The following SEMA3A variants were observed in gnomAD, a reference collection of about 807,000 sequenced individuals.
SEMA3A encodes semaphorin-3A.
Under a neutral mutation model 97.9 loss-of-function variants are expected in SEMA3A, and 29 were observed. That is an observed-to-expected ratio of 0.30 (90% CI 0.22 to 0.40). SEMA3A has a LOEUF of 0.40. Among genes scored for constraint, SEMA3A ranks in the 10% least tolerant of loss-of-function variants. SEMA3A has a pLI of 1.00. For missense variants in SEMA3A, 763 were observed against 951.3 expected, an observed-to-expected ratio of 0.80 and a Z score of 2.60; for synonymous variants, 321 against 323.7, an observed-to-expected ratio of 0.99 and a Z score of 0.09.
At position 84,040,325 on chromosome 7, in the gene SEMA3A, G is replaced by T. The variant is rs544638292; in HGVS notation, c.667+5999C>A. Among the ~76,000 whole-genome samples, 219 of 150,064 alleles carry T rather than the reference G, an allele frequency of 1.5e-3. 1 individual carries two copies. The highest frequency in any genetic ancestry group is 5.2e-3 in the African/African-American group (211 of 40,736). On this transcript the variant is annotated intron_variant, in intron 6 of 16. Transcript: ENST00000265362. Reference sequence around the variant, plus strand: ...CTGGGTAAAATCCTTTAATTCCCCAGCCCCTGCTGTTGGGGAGCTCTAGGC... The same window carrying T: ...CTGGGTAAAATCCTTTAATTCCCCATCCCCTGCTGTTGGGGAGCTCTAGGC...
intron 2 of SEMA3A, among the ~76,000 whole-genome samples, chr7:84,321,867 C>A: frequency 4.0e-5 from 1 of 25,002 alleles, no homozygotes. Flanking sequence ...CAGAGCGAGA[C>A]TACGGAAAAA....
chr7:84,263,787 C>T (rs981979553), intron 3 of SEMA3A, among the ~76,000 whole-genome samples: 3 of 152,106 alleles, frequency 2.0e-5, no homozygotes, highest in Non-Finnish European at 4.4e-5. Context: ...AGATGGAGTA[C>T]ATGTTAGGTA....
chr7:84,015,000 A>G (rs1329227453), intron 6 of SEMA3A, among the ~76,000 whole-genome samples: 2 of 152,116 alleles, frequency 1.3e-5, no homozygotes, highest in African/African-American at 4.8e-5. Flanking sequence ...ACTATTGCCA[A>G]TCTGAATTAT....
intron 1 of SEMA3A, among the ~76,000 whole-genome samples, chr7:84,181,233 T>C (rs781035333): frequency 3.8e-4 from 58 of 151,368 alleles, no homozygotes; most frequent in East Asian, 1.9e-4. Flanking sequence ...GATAAAAATA[T>C]TTTATCATTT....
At chr7:84,428,171 A>G (rs564259119) in intron 1 of SEMA3A, among the ~76,000 whole-genome samples, 2 of 152,240 alleles carry the variant, frequency 1.3e-5, no homozygotes, top group South Asian at 4.1e-4. Flanking sequence ...ACGCTTTCCT[A>G]TAGAAATCTG....
chr7:84,008,827 A>ATACT (rs1790770517), intron 9 of SEMA3A, among the ~76,000 whole-genome samples: 1 of 152,182 alleles, frequency 6.6e-6, no homozygotes, highest in South Asian at 2.1e-4. Context: ...ACCTTAATAA[A>ATACT]TACTTACAGA....
intron 3 of SEMA3A, among the ~76,000 whole-genome samples, chr7:84,239,738 A>T (rs1212215757): frequency 6.6e-6 from 1 of 152,156 alleles, no homozygotes; most frequent in Non-Finnish European, 1.5e-5. Flanking sequence ...AAGCTAAACC[A>T]CATACTAATT....
chr7:84,379,169 C>T (rs974315800), intron 1 of SEMA3A, among the ~76,000 whole-genome samples: 20 of 152,032 alleles, frequency 1.3e-4, no homozygotes, highest in Admixed American at 7.9e-4. Context: ...CCTCATGATC[C>T]GCCTGCCTCG....
intron 4 of SEMA3A, among the ~76,000 whole-genome samples, chr7:84,069,930 T>C (rs1488773891): frequency 6.6e-6 from 1 of 152,280 alleles, no homozygotes; most frequent in East Asian, 1.9e-4. Context: ...TAACACCCTA[T>C]GTTATCATAT....
At chr7:84,369,672 A>T (rs1322011808) in intron 2 of SEMA3A, among the ~76,000 whole-genome samples, 1 of 150,890 alleles carries the variant, frequency 6.6e-6, no homozygotes, top group Non-Finnish European at 1.5e-5. Flanking sequence ...AGTATATTTC[A>T]GGTGAAAATC....
intron 1 of SEMA3A, among the ~76,000 whole-genome samples, chr7:84,176,890 A>G (rs1562833081): frequency 6.6e-6 from 1 of 152,136 alleles, no homozygotes; most frequent in African/African-American, 2.4e-5. Context: ...TGGAAACTGG[A>G]AAAATGCCAC....
chr7:84,321,897 A>AAAAAAG (rs1562902776), intron 2 of SEMA3A, among the ~76,000 whole-genome samples: 1 of 84,268 alleles, frequency 1.2e-5, no homozygotes, highest in African/African-American at 5.0e-5. Flanking sequence ...AAAAAAAAAA[A>AAAAAAG]AAGAAGAAGA....
chr7:84,087,808 C>T (rs949816473), intron 4 of SEMA3A, among the ~76,000 whole-genome samples: 1 of 152,134 alleles, frequency 6.6e-6, no homozygotes, highest in African/African-American at 2.4e-5. Flanking sequence ...CTCTGAAAAC[C>T]TATTGCACAG....
At chr7:84,243,862 T>C (rs187650293) in intron 3 of SEMA3A, among the ~76,000 whole-genome samples, 1 of 152,298 alleles carries the variant, frequency 6.6e-6, no homozygotes, top group East Asian at 1.9e-4. Flanking sequence ...ATTTACCCAG[T>C]AGCCATTCAG....
chr7:84,115,267 A>C (rs1795390280), intron 3 of SEMA3A, among the ~76,000 whole-genome samples: 2 of 152,194 alleles, frequency 1.3e-5, no homozygotes, highest in Non-Finnish European at 2.9e-5. Flanking sequence ...AACTAAATGA[A>C]GACTCTCTGT....
At chr7:84,264,088 C>T (rs552219902) in intron 3 of SEMA3A, among the ~76,000 whole-genome samples, 8 of 152,072 alleles carry the variant, frequency 5.3e-5, no homozygotes, top group East Asian at 1.9e-4. Flanking sequence ...CTACTGTTTA[C>T]GATAGTATAT....
At chr7:84,107,066 T>C (rs796403838) in intron 4 of SEMA3A, among the ~76,000 whole-genome samples, 3 of 152,288 alleles carry the variant, frequency 2.0e-5, no homozygotes, top group African/African-American at 7.2e-5. Context: ...AAGTTGTCCT[T>C]GAGAACAAAA....
At chr7:84,444,614 T>C (rs1291406823) in intron 1 of SEMA3A, among the ~76,000 whole-genome samples, 5 of 150,300 alleles carry the variant, frequency 3.3e-5, no homozygotes, top group Non-Finnish European at 7.4e-5. Flanking sequence ...CAGTCTGGAG[T>C]ACAGTGACGC....
At chr7:84,169,612 G>C (rs1052540008) in intron 1 of SEMA3A, among the ~76,000 whole-genome samples, 1 of 150,512 alleles carries the variant, frequency 6.6e-6, no homozygotes, top group African/African-American at 2.4e-5. Flanking sequence ...TATTAAGATG[G>C]AATAATTTTT....
Sources: gnomAD v4.1 joint callset for allele counts (sites outside exome capture counted in the v4.1 genomes callset) on GRCh38, gnomAD v4.1.1 for gene constraint, MANE v1.5 for transcripts, NCBI Gene and HGNC (gene_info 2026-07-23, HGNC 2026-07-21) for gene names.